TCF3: variants seen among roughly 807,000 people sequenced by gnomAD.
TCF3 encodes the protein transcription factor E2-alpha.
TCF3 carries 54 observed loss-of-function variants against 72.3 expected under a neutral mutation model. The ratio of observed to expected loss-of-function variants is 0.75; its 90% confidence interval spans 0.60 to 0.94. The LOEUF is 0.94. TCF3 is among the 40% of genes least tolerant of loss of function. TCF3 has a pLI of 0.00. For synonymous variants in TCF3, 525 were observed against 412.6 expected, an observed-to-expected ratio of 1.27 and a Z score of -3.30; for missense variants, 1,078 against 934.4, an observed-to-expected ratio of 1.15 and a Z score of -2.00.
chr19:1,611,764 C>T lies in TCF3; in HGVS notation c.1908G>A (p.Val636=), dbSNP rs1489122279. The change falls in exon 19 of 19, where the codon GTG becomes GTA. Residue 636 remains valine (V), a synonymous_variant. Transcript: ENST00000262965. Reference sequence around the variant, plus strand: ...TCAGGCCTGGGTGGGGAGCTGAAAGCACCATCTGGGGGTCTCCAACCACAC... The same window carrying T: ...TCAGGCCTGGGTGGGGAGCTGAAAGTACCATCTGGGGGTCTCCAACCACAC... ...VSGVVGDPQM[V]LSAPHPGLSE... is the part of the protein sequence containing the mutation. 10 of 1,613,680 alleles carry T rather than the reference C, an allele frequency of 6.2e-6. No individual in the cohort carries two copies. The highest frequency in any genetic ancestry group is 8.5e-6 in the Non-Finnish European group (10 of 1,179,972).
intron 6 of TCF3, among the ~76,000 whole-genome samples, chr19:1,626,422 C>T (rs552443692): frequency 6.6e-6 from 1 of 152,144 alleles, no homozygotes; most frequent in South Asian, 2.1e-4. Context: ...TGAACTCCAG[C>T]CTGGGCCATG....
intron 1 of TCF3, among the ~76,000 whole-genome samples, 192 bp downstream of exon 1, chr19:1,652,108 C>T (rs952441553): frequency 6.6e-6 from 1 of 150,446 alleles, no homozygotes; most frequent in Admixed American, 6.6e-5. Context: ...GGCTCCTCCA[C>T]GTCGCCGCCC....
intron 3 of TCF3, among the ~76,000 whole-genome samples, chr19:1,642,699 C>G (rs1254112476): frequency 6.6e-6 from 1 of 152,220 alleles, no homozygotes; most frequent in Non-Finnish European, 1.5e-5. Flanking sequence ...TCTCGAACAC[C>G]TAGTCCCAGG....
intron 16 of TCF3, among the ~76,000 whole-genome samples, chr19:1,618,707 C>A (rs867221648): frequency 6.6e-5 from 10 of 152,200 alleles, no homozygotes; most frequent in Non-Finnish European, 1.5e-4. Context: ...TCATGGGCCA[C>A]CATCTTCAAA....
intron 18 of TCF3, chr19:1,612,548 G>C: frequency 1.9e-6 from 2 of 1,026,178 alleles, no homozygotes; most frequent in Non-Finnish European, 2.9e-6. Flanking sequence ...GTGGGCAGCA[G>C]TGTGGGTACA....
chr19:1,645,055 G>A (rs1241680373), intron 3 of TCF3, among the ~76,000 whole-genome samples: 3 of 152,108 alleles, frequency 2.0e-5, no homozygotes, highest in Admixed American at 6.5e-5. Context: ...CTCACGTAGA[G>A]GGGAAGGCCA....
Position 1,622,373 on chromosome 19 carries a change from T to C in TCF3, c.592A>G (p.Thr198Ala), listed in dbSNP as rs11879402. The C allele has an allele frequency of 3.2e-3, 4,133 of 1,293,200 alleles. 107 individuals carry two copies. In the African/African-American group the frequency reaches 0.058, roughly 18 times the overall value. The allele number at this position is 1,293,200 out of a possible 1,614,324, so 80.1% of individuals were successfully genotyped here. The change falls in exon 9 of 19, where the codon ACC (threonine) becomes GCC (alanine). Residue 198 changes from threonine to alanine, a missense_variant. Thr to Ala is a moderately conservative substitution (Grantham distance 58, BLOSUM62 0). Coordinates refer to ENST00000262965, the MANE Select transcript of TCF3 (RefSeq NM_003200.5). ...GGGGTCTTGGCGGACGGGTAGGCGG[T>C]GGCATCCCTGCCGTAGTCCTCACCT... is the stretch of plus-strand genomic sequence containing the variant. ...SSGEDYGRDATAYPSAKTPSS... is the reference protein window; with the variant it reads ...SSGEDYGRDAAAYPSAKTPSS...
intron 16 of TCF3, among the ~76,000 whole-genome samples, 174 bp downstream of exon 16, chr19:1,618,937 C>G (rs1467257880): frequency 6.6e-6 from 1 of 152,216 alleles, no homozygotes; most frequent in Non-Finnish European, 1.5e-5. Flanking sequence ...AGGGCCAACG[C>G]CGGCCCCGCC....
At chr19:1,618,863 G>C (rs2061837531) in intron 16 of TCF3, among the ~76,000 whole-genome samples, 1 of 152,196 alleles carries the variant, frequency 6.6e-6, no homozygotes. Context: ...AGCGCTGCCA[G>C]GCACACAGCG....
intron 16 of TCF3, among the ~76,000 whole-genome samples, chr19:1,616,025 A>G (rs770509512): frequency 6.6e-6 from 1 of 152,264 alleles, no homozygotes; most frequent in East Asian, 1.9e-4. Flanking sequence ...AAGGACCACA[A>G]GATGAAAGGG....
In TCF3 at chr19:1,609,601, T is replaced by A. The variant is rs1189998791; in HGVS notation, c.*2106A>T. 2.3e-5 allele frequency: 5 copies of A among 217,694 alleles called. No individual in the cohort carries two copies. Among genetic ancestry groups the A allele is most frequent in the Non-Finnish European group, 4.6e-5 (5 of 108,708 alleles). The allele number at this position is 217,694 out of a possible 1,614,324, so 13.5% of individuals were successfully genotyped here. A position where few individuals can be genotyped will look rare whatever the true frequency, so the allele number is the denominator to read the frequency against. ...TATGGGGCCACTGCCCACCCAGACC[T>A]AGGGGCAGGGCCAGGAGCAAAACAA... On this transcript the variant is annotated 3_prime_UTR_variant, in exon 19 of 19. Transcript: ENST00000262965.
chr19:1,624,683 T>C (rs1328857072), intron 7 of TCF3, among the ~76,000 whole-genome samples: 2 of 152,178 alleles, frequency 1.3e-5, no homozygotes, highest in South Asian at 2.1e-4. Context: ...TCAGGCGCCT[T>C]CCTGATCACT....
intron 13 of TCF3, among the ~76,000 whole-genome samples, chr19:1,620,472 G>A (rs2146048896): frequency 6.6e-6 from 1 of 152,326 alleles, no homozygotes; most frequent in South Asian, 2.1e-4. Flanking sequence ...CCCAGTGGGT[G>A]AGCAAATGGC....
At chr19:1,622,814 C>G (rs1343783859) in intron 8 of TCF3, among the ~76,000 whole-genome samples, 1 of 152,352 alleles carries the variant, frequency 6.6e-6, no homozygotes, top group African/African-American at 2.4e-5. Context: ...CAGTGCTGAG[C>G]TTCCCTTGGT....
chr19:1,622,437 G>T, intron 8 of TCF3, 22 bp from the exon 9 acceptor site: 2 of 1,280,464 alleles, frequency 1.6e-6, no homozygotes, highest in South Asian at 1.5e-5. Context: ...TGGGCGGTGG[G>T]GGGTGCAGTC....
chr19:1,638,534 C>T (rs1431562462), intron 3 of TCF3, among the ~76,000 whole-genome samples: 2 of 152,090 alleles, frequency 1.3e-5, no homozygotes, highest in African/African-American at 2.4e-5. Flanking sequence ...CCGCTGGCCT[C>T]GGACAATGTT....
rs1289644779 is a variant in TCF3, at chr19:1,627,832, C to G, written c.299-406G>C. 8.2e-5 allele frequency among the ~76,000 whole-genome samples: 5 copies of G among 60,884 alleles called. No homozygotes were observed. In the Admixed American group the frequency reaches 8.8e-4, roughly 11 times the overall value. 39.9% of individuals were successfully genotyped at this position (60,884 alleles called of 152,430 possible). ...AGGGGGTGAGGCGGGAAGGGGACAG[C>G]AGAGCTCACAGGGGGTGAGGCGGGA... On this transcript the variant is annotated intron_variant, in intron 5 of 18. Coordinates refer to ENST00000262965, the MANE Select transcript of TCF3 (RefSeq NM_003200.5).
At position 1,622,243 on chromosome 19, in the gene TCF3, A is replaced by C. The variant is rs1316996250; in HGVS notation, c.653-20T>G. 6.6e-7 allele frequency: 1 copy of C among 1,524,554 alleles called. No individual in the cohort carries two copies. The highest frequency in any genetic ancestry group is 1.4e-5 in the African/African-American group (1 of 73,138). The allele number at this position is 1,524,554 out of a possible 1,614,324, so 94.4% of individuals were successfully genotyped here. On this transcript the variant is annotated intron_variant, in intron 9 of 18. Transcript: ENST00000262965. ...TGCCATCTGTGGAGGGGAGCTGGTA[A>C]GGTGGGGGCCGAGTGGGGAACCCCA... is the stretch of plus-strand genomic sequence containing the variant.
Position 1,622,397 on chromosome 19 carries a change from C to T in TCF3, c.568G>A (p.Gly190Ser). The T allele has an allele frequency of 3.0e-6, 4 of 1,324,486 alleles. No homozygotes were observed. Among genetic ancestry groups the T allele is most frequent in the Non-Finnish European group, 3.0e-6 (3 of 1,011,848 alleles). 82.0% of individuals were successfully genotyped at this position (1,324,486 alleles called of 1,614,324 possible). A position where few individuals can be genotyped will look rare whatever the true frequency, so the allele number is the denominator to read the frequency against. ...LPSSVYPPSS[G>S]EDYGRDATAY... ...GTGGCATCCCTGCCGTAGTCCTCAC[C>T]TGAGCTGGGTGGGTACACCTGCGGG... The change falls in exon 9 of 19, where the codon GGT becomes AGT. Residue 190 changes from glycine (G) to serine (S), a missense_variant. Coordinates refer to ENST00000262965, the MANE Select transcript of TCF3 (RefSeq NM_003200.5).
Sources: gnomAD v4.1 joint callset for allele counts (sites outside exome capture counted in the v4.1 genomes callset) on GRCh38, gnomAD v4.1.1 for gene constraint, MANE v1.5 for transcripts, NCBI Gene and HGNC (gene_info 2026-07-23, HGNC 2026-07-21) for gene names.